ACLY: variants seen among roughly 807,000 people sequenced by gnomAD.
ACLY encodes the protein ATP citrate lyase.
ACLY carries 41 observed loss-of-function variants against 133.0 expected under a neutral mutation model. The ratio of observed to expected loss-of-function variants is 0.31; its 90% CI spans 0.24 to 0.40. ACLY has a LOEUF of 0.40. Ranked by LOEUF, ACLY falls within the 10% of genes least tolerant of loss-of-function variation. The pLI is 1.00. For missense variants in ACLY, 1,046 were observed against 1,453.8 expected (o/e 0.72, Z 4.56); for synonymous variants, 495 against 549.3 (o/e 0.90, Z 1.38).
At chr17:41,891,138 G>A (rs1555629196) in intron 16 of ACLY, among the ~76,000 whole-genome samples, 2 of 152,050 alleles carry the variant, frequency 1.3e-5, no homozygotes, top group African/African-American at 2.4e-5. Flanking sequence ...GAGCTTAAGC[G>A]ATCCTCCTAC....
At chr17:41,868,600 T>TA (rs372744524) in intron 28 of ACLY, 109 bp downstream of exon 28, 6,059 of 512,500 alleles carry the variant, frequency 0.012, 4 homozygotes, top group African/African-American at 0.02. Flanking sequence ...AAAAGAAAAT[T>TA]AAAAAAAAAA....
chr17:41,908,696 G>C (rs1448935096), intron 6 of ACLY, among the ~76,000 whole-genome samples: 1 of 152,164 alleles, frequency 6.6e-6, no homozygotes, highest in Non-Finnish European at 1.5e-5. Context: ...ACCAGGAGGC[G>C]GAGATTGCAG....
chr17:41,918,626 G>A (rs1370604246), intron 1 of ACLY, among the ~76,000 whole-genome samples: 1 of 152,208 alleles, frequency 6.6e-6, no homozygotes, highest in Non-Finnish European at 1.5e-5. Flanking sequence ...AAGGATGGCG[G>A]CAAGCCCCAT....
chr17:41,919,769 T>C (rs1298432867), upstream of ACLY, among the ~76,000 whole-genome samples: 1 of 152,254 alleles, frequency 6.6e-6, no homozygotes, highest in Non-Finnish European at 1.5e-5. Context: ...AATGAACTGC[T>C]GTCTCCCCCT....
intron 16 of ACLY, among the ~76,000 whole-genome samples, chr17:41,890,066 C>T (rs1217599835): frequency 6.6e-6 from 1 of 152,128 alleles, no homozygotes; most frequent in East Asian, 1.9e-4. Flanking sequence ...TCCGAGATTG[C>T]CCATCACAAG....
chr17:41,891,391 A>G (rs1345184568), intron 16 of ACLY, among the ~76,000 whole-genome samples: 3 of 146,492 alleles, frequency 2.0e-5, no homozygotes, highest in Non-Finnish European at 3.0e-5. Flanking sequence ...GAGCCACCTC[A>G]TTTATTTATT....
chr17:41,908,905 G>C lies in ACLY; in HGVS notation c.616+84C>G, dbSNP rs887205300. 6.2e-6 allele frequency: 7 copies of C among 1,132,510 alleles called. No homozygotes were observed. In the African/African-American group the frequency reaches 1.1e-4, roughly 17 times the overall value. 70.2% of individuals were successfully genotyped at this position (1,132,510 alleles called of 1,614,324 possible). A position where few individuals can be genotyped will look rare whatever the true frequency, so the allele number is the denominator to read the frequency against. ...TCTTGTGTTACCCTCTGGCAAGTGG[G>C]AGTCTGGTTCTCTGAATGCCAAGGC... On this transcript the variant is annotated intron_variant, in intron 6 of 28. Coordinates refer to ENST00000352035, the MANE Select transcript of ACLY (RefSeq NM_001096.3).
chr17:41,922,427 A>C (rs1374607386), upstream of ACLY, among the ~76,000 whole-genome samples: 1 of 151,118 alleles, frequency 6.6e-6, no homozygotes, highest in Non-Finnish European at 1.5e-5. Flanking sequence ...ACTGAACATC[A>C]GCCTGGGTGA....
chr17:41,918,675 GGGGGA>G (rs1347526761), intron 1 of ACLY, among the ~76,000 whole-genome samples, 200 bp downstream of exon 1: 3 of 152,210 alleles, frequency 2.0e-5, no homozygotes, highest in Non-Finnish European at 2.9e-5. Flanking sequence ...GTGTCGCGCG[GGGGGA>G]GGGGAGGGGC....
Position 41,884,240 on chromosome 17 carries a change from G to T in ACLY, c.2107C>A (p.Arg703Ser), listed in dbSNP as rs782444196. Reference sequence around the variant, plus strand: ...TTGACTCCTGGAGTGTCCTGATAGCGTAACACATGATCCATGAATGTGGAG... The same window carrying T: ...TTGACTCCTGGAGTGTCCTGATAGCTTAACACATGATCCATGAATGTGGAG... ...PGSTFMDHVL[R>S]YQDTPGVKMI... The change falls in exon 19 of 29, where the codon CGC becomes AGC. Residue 703 changes from arginine to serine, a missense_variant. Physicochemically the swap from Arg to Ser is moderately radical, Grantham distance 110 (BLOSUM62 -1). Transcript: ENST00000352035. 12 of 1,612,306 alleles carry T rather than the reference G, an allele frequency of 7.4e-6. No individual in the cohort carries two copies. In the Admixed American group the frequency reaches 8.3e-5, roughly 11 times the overall value.
At chr17:41,891,987 G>A (rs1555629354) in intron 16 of ACLY, among the ~76,000 whole-genome samples, 1 of 152,152 alleles carries the variant, frequency 6.6e-6, no homozygotes, top group Admixed American at 6.6e-5. Context: ...ACAGGCATAA[G>A]TCACTGTCCC....
intron 18 of ACLY, 64 bp downstream of exon 18, chr17:41,886,048 G>A: frequency 6.6e-7 from 1 of 1,514,308 alleles, no homozygotes; most frequent in East Asian, 2.3e-5. Flanking sequence ...GCAGGACACA[G>A]CATCGTCTCC....
chr17:41,916,617 C>A (rs1247966226), intron 1 of ACLY, among the ~76,000 whole-genome samples: 2 of 151,476 alleles, frequency 1.3e-5, no homozygotes, highest in Non-Finnish European at 2.9e-5. Context: ...CCTCGTGATC[C>A]ACCCACCTCA....
At chr17:41,886,052 C>G in intron 18 of ACLY, 60 bp downstream of exon 18, 4 of 1,530,540 alleles carry the variant, frequency 2.6e-6, no homozygotes, top group Non-Finnish European at 3.6e-6. Context: ...GACACAGCAT[C>G]GTCTCCTAGC....
intron 14 of ACLY, among the ~76,000 whole-genome samples, chr17:41,893,680 T>TTCTA (rs2049279955): frequency 1.3e-5 from 2 of 152,352 alleles, no homozygotes; most frequent in African/African-American, 4.8e-5. Flanking sequence ...TCAGCATGAA[T>TTCTA]TCTAGGTCAG....
rs2049692502 is a variant in ACLY at position 41,905,643 on chromosome 17, A to T, written c.882T>A (p.Asp294Glu). 6.2e-7 allele frequency: 1 copy of T among 1,614,014 alleles called. No homozygotes were observed. The highest frequency in any genetic ancestry group is 8.5e-7 in the Non-Finnish European group (1 of 1,180,018). The change falls in exon 9 of 29, where the codon GAT (aspartate) becomes GAA (glutamate). Residue 294 changes from aspartate (D) to glutamate (E), a missense_variant. Transcript: ENST00000352035. ...ASVVYSDTIC[D>E]LGGVNELANY... ...TTGCCAGCTCGTTGACACCCCCTAG[A>T]TCACAGATGGTATCGCTGCCAAGGA...
upstream of ACLY, chr17:41,919,108 C>T: frequency 8.5e-7 from 1 of 1,176,662 alleles, no homozygotes; most frequent in South Asian, 1.5e-5. Flanking sequence ...CTTGGCTCCG[C>T]CCCACGAGGG....
chr17:41,874,322 C>T (rs1473904806), intron 22 of ACLY, among the ~76,000 whole-genome samples: 4 of 152,150 alleles, frequency 2.6e-5, no homozygotes, highest in African/African-American at 7.2e-5. Flanking sequence ...GGCTGGAGTA[C>T]ACTGGTGAGA....
chr17:41,906,776 A>AGCCCCTT, intron 7 of ACLY, 130 bp from the exon 8 acceptor site: 1 of 793,712 alleles, frequency 1.3e-6, no homozygotes, highest in Non-Finnish European at 2.1e-6. Context: ...AGAAGGGGCT[A>AGCCCCTT]CGCAGGGCCC....
Sources: allele counts gnomAD v4.1 joint callset (sites outside exome capture counted in the v4.1 genomes callset), GRCh38; gene constraint gnomAD v4.1.1; transcripts MANE v1.5; gene names NCBI Gene and HGNC (gene_info 2026-07-23, HGNC 2026-07-21).